Variants in TTLL5 observed in about 807,000 individuals in gnomAD.
The protein encoded by TTLL5 is tubulin tyrosine ligase like 5.
In TTLL5, 132 loss-of-function variants were observed where a neutral mutation model predicts 168.4. The observed-to-expected ratio is 0.78, with a 90% CI of 0.68 to 0.91. TTLL5 has a LOEUF of 0.91. Ranked by LOEUF, TTLL5 falls within the 40% of genes least tolerant of loss-of-function variation. The pLI is 0.00. For missense variants in TTLL5, 1,545 were observed against 1,581.5 expected, an observed-to-expected ratio of 0.98 and a Z score of 0.39; for synonymous variants, 546 against 558.6, an observed-to-expected ratio of 0.98 and a Z score of 0.32.
chr14:75,716,819 T>C (rs1489625760), intron 9 of TTLL5, among the ~76,000 whole-genome samples: 1 of 152,236 alleles, frequency 6.6e-6, no homozygotes. Flanking sequence ...ATGTATTTTA[T>C]ACTTTGGTCT....
At position 75,882,872 on chromosome 14, in the gene TTLL5, T is replaced by C. The variant is rs1226502037; in HGVS notation, c.3710T>C (p.Leu1237Pro). The change falls in exon 30 of 32, where the codon CTC becomes CCC. Residue 1237 changes from leucine (L) to proline (P), a missense_variant. Leu to Pro is a moderately conservative substitution (Grantham distance 98). Coordinates refer to ENST00000298832, the MANE Select transcript of TTLL5 (RefSeq NM_015072.5). ...CCCCCACCCAACCACGAACAAGTGC[T>C]CAGAAGGGCAACATCCCAGAAAGCT... ...PKPPPNHEQV[L>P]RRATSQKASK... 24 of 1,614,032 alleles carry C rather than the reference T, an allele frequency of 1.5e-5. No individual in the cohort carries two copies. Among genetic ancestry groups the C allele is most frequent in the Non-Finnish European group, 1.9e-5 (23 of 1,180,018 alleles).
At chr14:75,738,991 A>G (rs530546810) in intron 15 of TTLL5, among the ~76,000 whole-genome samples, 2 of 152,062 alleles carry the variant, frequency 1.3e-5, no homozygotes, top group Admixed American at 1.3e-4. Context: ...TTTTTGGTAG[A>G]GATGAGGGTT....
At chr14:75,755,576 T>C (rs914089039) in intron 18 of TTLL5, among the ~76,000 whole-genome samples, 1 of 152,182 alleles carries the variant, frequency 6.6e-6, no homozygotes, top group African/African-American at 2.4e-5. Flanking sequence ...TATAATTGCC[T>C]GTTTACTAAT....
At chr14:75,737,437 T>C (rs1016165975) in intron 15 of TTLL5, 2 of 818,478 alleles carry the variant, frequency 2.4e-6, no homozygotes, top group African/African-American at 3.5e-5. Context: ...CCACAAAGTG[T>C]AGGGCTCTTG....
chr14:75,845,211 T>C (rs1267149066), intron 28 of TTLL5, among the ~76,000 whole-genome samples: 3 of 152,222 alleles, frequency 2.0e-5, no homozygotes, highest in Non-Finnish European at 4.4e-5. Flanking sequence ...GGAGTTTTTT[T>C]TCTTAATTTA....
chr14:75,720,817 A>C, intron 12 of TTLL5, 114 bp downstream of exon 12: 1 of 846,696 alleles, frequency 1.2e-6, no homozygotes, highest in Non-Finnish European at 2.0e-6. Context: ...TATGTGATGG[A>C]CTCTTCTTTC....
intron 31 of TTLL5, among the ~76,000 whole-genome samples, chr14:75,939,551 ATTATT>A (rs1227673186): frequency 6.6e-6 from 1 of 152,110 alleles, no homozygotes; most frequent in African/African-American, 2.4e-5. Flanking sequence ...CGTCCAGCTA[ATTATT>A]TTATTTTATT....
intron 12 of TTLL5, among the ~76,000 whole-genome samples, chr14:75,726,589 A>C (rs1566829099): frequency 6.6e-6 from 1 of 152,184 alleles, no homozygotes; most frequent in Non-Finnish European, 1.5e-5. Context: ...AGGAATATAT[A>C]AGATTTACTA....
intron 27 of TTLL5, among the ~76,000 whole-genome samples, chr14:75,799,027 C>G (rs925521961): frequency 6.6e-6 from 1 of 152,088 alleles, no homozygotes; most frequent in Non-Finnish European, 1.5e-5. Context: ...TGTTGACTTT[C>G]TGTGTTGATG....
intron 31 of TTLL5, among the ~76,000 whole-genome samples, chr14:75,929,394 G>C (rs996443285): frequency 6.7e-6 from 1 of 148,372 alleles, no homozygotes; most frequent in Non-Finnish European, 1.5e-5. Context: ...ACTTCTTAGA[G>C]TTGTAATATA....
intron 5 of TTLL5, chr14:75,684,968 T>G (rs1388002273): frequency 6.6e-6 from 1 of 152,236 alleles, no homozygotes; most frequent in Non-Finnish European, 1.5e-5. Flanking sequence ...ATACGTTAAC[T>G]TCATTAAAAA....
chr14:75,868,100 C>T (rs1595175454), intron 29 of TTLL5, among the ~76,000 whole-genome samples: 1 of 152,234 alleles, frequency 6.6e-6, no homozygotes, highest in Admixed American at 6.5e-5. Context: ...TTATTCTTGG[C>T]GCAGGACAGA....
chr14:75,699,657 A>G (rs1476259681), intron 7 of TTLL5, among the ~76,000 whole-genome samples: 1 of 152,200 alleles, frequency 6.6e-6, no homozygotes, highest in African/African-American at 2.4e-5. Flanking sequence ...AGGTTATCAA[A>G]CAAGTGAACC....
intron 12 of TTLL5, among the ~76,000 whole-genome samples, chr14:75,724,457 T>C (rs990571676): frequency 5.3e-5 from 8 of 152,206 alleles, no homozygotes; most frequent in African/African-American, 1.9e-4. Context: ...TATTAGTGTT[T>C]AAATGTAGAC....
At chr14:75,681,738 T>C (rs995960190) in intron 4 of TTLL5, 111 bp downstream of exon 4, 5 of 819,126 alleles carry the variant, frequency 6.1e-6, no homozygotes, top group African/African-American at 3.4e-5. Context: ...ATGGGACCAA[T>C]GCTTAGTGGT....
At chr14:75,724,796 A>G (rs1396858159) in intron 12 of TTLL5, among the ~76,000 whole-genome samples, 2 of 152,182 alleles carry the variant, frequency 1.3e-5, no homozygotes, top group Non-Finnish European at 2.9e-5. Flanking sequence ...GATCGTGAAA[A>G]TATGGTACCA....
At chr14:75,791,295 A>G (rs1392421820) in intron 26 of TTLL5, among the ~76,000 whole-genome samples, 3 of 152,216 alleles carry the variant, frequency 2.0e-5, no homozygotes, top group South Asian at 2.1e-4. Context: ...AATAACCACA[A>G]TACCCATTGA....
At position 75,720,596 on chromosome 14, in the gene TTLL5, C is replaced by T; in HGVS notation, c.935C>T (p.Ala312Val). 1 of 1,611,888 alleles carries T rather than the reference C, an allele frequency of 6.2e-7. No individual in the cohort carries two copies. The highest frequency in any genetic ancestry group is 8.5e-7 in the Non-Finnish European group (1 of 1,178,688). ...GAAATTTAAAAATTTTTGTTTGCAG[C>T]ATTGATGGCCCATGTAGAAGACCTG... ...YLKQEGRDTTALMAHVEDLII... is the reference protein window; with the variant it reads ...YLKQEGRDTTVLMAHVEDLII... Residue 312 changes from alanine (A) to valine (V), a missense_variant and splice_region_variant, in exon 12 of 32, where the codon GCA becomes GTA. By Grantham distance (64) the Ala-to-Val change is moderately conservative. Coordinates refer to ENST00000298832, the MANE Select transcript of TTLL5 (RefSeq NM_015072.5).
rs1566818888 is a variant in TTLL5, at chr14:75,699,209, G to A, written c.524G>A (p.Gly175Glu). 3 of 1,613,874 alleles carry A rather than the reference G, an allele frequency of 1.9e-6. No homozygotes were observed. Among genetic ancestry groups the A allele is most frequent in the Non-Finnish European group, 2.5e-6 (3 of 1,179,888 alleles). Reference protein sequence around the residue: ...EFCNSYSKDRGPWIVKPVASS... With the variant: ...EFCNSYSKDREPWIVKPVASS... ...GCAGATTCATATTCGAAGGACCGGGGACCTTGGATAGTAAAACCAGTGGCA... is the reference window on the plus strand; with the variant it reads ...GCAGATTCATATTCGAAGGACCGGGAACCTTGGATAGTAAAACCAGTGGCA... The change falls in exon 7 of 32, where the codon GGA (glycine) becomes GAA (glutamate). Residue 175 changes from glycine to glutamate, a missense_variant. Physicochemically the swap from Gly to Glu is moderately conservative, Grantham distance 98 (BLOSUM62 -2). Coordinates refer to ENST00000298832, the MANE Select transcript of TTLL5 (RefSeq NM_015072.5).
Sources: gnomAD v4.1 joint callset for allele counts (sites outside exome capture counted in the v4.1 genomes callset) on GRCh38, gnomAD v4.1.1 for gene constraint, MANE v1.5 for transcripts, NCBI Gene and HGNC (gene_info 2026-07-23, HGNC 2026-07-21) for gene names.